BTBD9: variants seen among roughly 807,000 people sequenced by gnomAD.
BTBD9 encodes BTB/POZ domain-containing protein 9.
In BTBD9, 49 loss-of-function variants were observed where a neutral mutation model predicts 64.3. The ratio of observed to expected loss-of-function variants is 0.76; its 90% CI spans 0.61 to 0.97. The LOEUF (loss-of-function observed/expected upper bound fraction) is 0.97, where lower values mean the gene tolerates loss of function less well. Among genes scored for constraint, BTBD9 ranks in the 50% least tolerant of loss-of-function variants. The probability of loss-of-function intolerance (pLI) is 0.00; values close to 1 mark genes in which losing one functional copy is unlikely to be tolerated. For synonymous variants in BTBD9, 260 were observed against 274.7 expected (o/e 0.95, Z 0.53); for missense variants, 598 against 762.1 (o/e 0.78, Z 2.53).
intron 9 of BTBD9, among the ~76,000 whole-genome samples, chr6:38,231,878 C>G (rs921528452): frequency 6.6e-6 from 1 of 152,196 alleles, no homozygotes; most frequent in Admixed American, 6.5e-5. Context: ...AATTAAAATG[C>G]ATTTCAGATG....
chr6:38,557,015 CAAAAAAAAAAAAAAAAAAAAA>C (rs397888418), intron 6 of BTBD9, among the ~76,000 whole-genome samples: 184 of 15,388 alleles, frequency 0.012, no homozygotes, highest in South Asian at 0.024. Flanking sequence ...TCCATCTCAC[CAAAAAAAAAAAAAAAAAAAAA>C]AAAAAAAAAA....
At chr6:38,478,624 G>C (rs1309473323) in intron 6 of BTBD9, among the ~76,000 whole-genome samples, 1 of 152,194 alleles carries the variant, frequency 6.6e-6, no homozygotes, top group East Asian at 1.9e-4. Context: ...AAAACTAAAG[G>C]AGGGAAGATA....
chr6:38,301,521 A>G (rs1762403226), intron 7 of BTBD9, among the ~76,000 whole-genome samples: 1 of 152,176 alleles, frequency 6.6e-6, no homozygotes, highest in Admixed American at 6.5e-5. Flanking sequence ...GCTATTAATT[A>G]TTGCCTCAAT....
chr6:38,635,294 C>G (rs1416328472), intron 1 of BTBD9, among the ~76,000 whole-genome samples: 2 of 152,090 alleles, frequency 1.3e-5, no homozygotes, highest in Admixed American at 1.3e-4. Flanking sequence ...CACCACCCCA[C>G]CCAGCTAATT....
In BTBD9 at chr6:38,580,308, T is replaced by C. The variant is rs1776230900; in HGVS notation, c.944A>G (p.Asp315Gly). 2 of 1,614,142 alleles carry C rather than the reference T, an allele frequency of 1.2e-6. No individual in the cohort carries two copies. Among genetic ancestry groups the C allele is most frequent in the Non-Finnish European group, 8.5e-7 (1 of 1,180,050 alleles). ...CTCGATGCCGGAACGGCAGTCATCA[T>C]CAATTGGGTGCCTTGAAAATCCATG... is the stretch of plus-strand genomic sequence containing the variant. ...LDHGFSRHPI[D>G]DDCRSGIEIK... The change falls in exon 5 of 11, where the codon GAT becomes GGT. Residue 315 changes from aspartate (D) to glycine (G), a missense_variant. Physicochemically the swap from Asp to Gly is moderately conservative, Grantham distance 94. Coordinates refer to ENST00000481247, the MANE Select transcript of BTBD9 (RefSeq NM_001099272.2).
At chr6:38,270,934 G>A (rs1176276090) in intron 8 of BTBD9, among the ~76,000 whole-genome samples, 1 of 152,174 alleles carries the variant, frequency 6.6e-6, no homozygotes, top group Non-Finnish European at 1.5e-5. Flanking sequence ...AATCTGGGAA[G>A]TGGGTGGTAG....
intron 6 of BTBD9, among the ~76,000 whole-genome samples, chr6:38,363,111 C>A (rs1422924096): frequency 6.6e-6 from 1 of 152,150 alleles, no homozygotes; most frequent in Non-Finnish European, 1.5e-5. Flanking sequence ...TTTTTAGAGA[C>A]AGCATCTTGC....
chr6:38,588,507 A>G, intron 4 of BTBD9: 1 of 833,468 alleles, frequency 1.2e-6, no homozygotes, highest in Non-Finnish European at 1.8e-6. Flanking sequence ...GGCTATACCA[A>G]ACCTGGACCT....
chr6:38,337,980 G>C (rs1203662650), intron 7 of BTBD9, among the ~76,000 whole-genome samples: 1 of 152,192 alleles, frequency 6.6e-6, no homozygotes, highest in Non-Finnish European at 1.5e-5. Flanking sequence ...ATGGACTCCG[G>C]TGTTTCTGTT....
chr6:38,555,558 G>A (rs879907532), intron 6 of BTBD9, among the ~76,000 whole-genome samples: 1 of 152,194 alleles, frequency 6.6e-6, no homozygotes, highest in Non-Finnish European at 1.5e-5. Flanking sequence ...CAGTAGTAGT[G>A]ATAAACAGTT....
rs1776920534 is a variant in BTBD9 at position 38,593,860 on chromosome 6, C to G, written c.549+104G>C. 4 of 1,060,094 alleles carry G rather than the reference C, an allele frequency of 3.8e-6. No individual in the cohort carries two copies. The Admixed American group carries it at 9.3e-5, about 25-fold the overall frequency. The allele number at this position is 1,060,094 out of a possible 1,614,324, so 65.7% of individuals were successfully genotyped here. ...GATAACCAATGATAACGCTTTGATACCAATGATTTTTTTTATTATTCTTAG... is the reference window on the plus strand; with the variant it reads ...GATAACCAATGATAACGCTTTGATAGCAATGATTTTTTTTATTATTCTTAG... On this transcript the variant is annotated intron_variant, in intron 3 of 10. Transcript: ENST00000481247.
In BTBD9 at chr6:38,438,226, G is replaced by A. The variant is rs868454992; in HGVS notation, c.1155-93133C>T. On this transcript the variant is annotated intron_variant, in intron 6 of 10. Coordinates refer to ENST00000481247, the MANE Select transcript of BTBD9 (RefSeq NM_001099272.2). Reference sequence around the variant, plus strand: ...AAGGAAGGAGGGAGGGAGGGAGGGAGGGAGGGAGGGAGGGAGGGAGGGAGG... The same window carrying A: ...AAGGAAGGAGGGAGGGAGGGAGGGAAGGAGGGAGGGAGGGAGGGAGGGAGG... Among the ~76,000 whole-genome samples the A allele has an allele frequency of 2.5e-3, 206 of 80,874 alleles. 6 individuals carry two copies. Among genetic ancestry groups the A allele is most frequent in the African/African-American group, 9.4e-3 (196 of 20,864 alleles). 53.1% of individuals were successfully genotyped at this position (80,874 alleles called of 152,430 possible).
intron 10 of BTBD9, among the ~76,000 whole-genome samples, chr6:38,189,384 G>A (rs1417038243): frequency 6.6e-6 from 1 of 152,220 alleles, no homozygotes; most frequent in Admixed American, 6.5e-5. Flanking sequence ...TAAGATAGGT[G>A]TTACAACATT....
chr6:38,482,855 G>C (rs2127382673), intron 6 of BTBD9, among the ~76,000 whole-genome samples: 1 of 152,170 alleles, frequency 6.6e-6, no homozygotes, highest in East Asian at 1.9e-4. Context: ...TCAACATGAA[G>C]GTAAGGCTTC....
At chr6:38,261,895 A>T (rs1764806738) in intron 8 of BTBD9, among the ~76,000 whole-genome samples, 1 of 152,208 alleles carries the variant, frequency 6.6e-6, no homozygotes, top group Admixed American at 6.5e-5. Flanking sequence ...TACATGTTGA[A>T]GTTTTAAAGA....
At chr6:38,320,274 T>C (rs571161369) in intron 7 of BTBD9, among the ~76,000 whole-genome samples, 62 of 152,354 alleles carry the variant, frequency 4.1e-4, no homozygotes, top group Middle Eastern at 6.8e-3. Context: ...GGTGCTTTTT[T>C]GGTAGACACT....
intron 6 of BTBD9, among the ~76,000 whole-genome samples, chr6:38,541,554 T>C (rs533970030): frequency 5.0e-4 from 76 of 152,286 alleles, no homozygotes; most frequent in Non-Finnish European, 9.7e-4. Flanking sequence ...CTGGCTAATA[T>C]GGCGAAGCCC....
intron 7 of BTBD9, among the ~76,000 whole-genome samples, chr6:38,312,107 C>G (rs914412280): frequency 6.6e-6 from 1 of 151,748 alleles, no homozygotes; most frequent in Admixed American, 6.6e-5. Context: ...GTGATCCACC[C>G]GCCTCGGCCT....
At chr6:38,462,390 T>C (rs1770137323) in intron 6 of BTBD9, among the ~76,000 whole-genome samples, 1 of 152,260 alleles carries the variant, frequency 6.6e-6, no homozygotes, top group Admixed American at 6.5e-5. Flanking sequence ...TGAATATCCA[T>C]TTGTTGAAAA....
Sources: allele counts gnomAD v4.1 joint callset (sites outside exome capture counted in the v4.1 genomes callset), GRCh38; gene constraint gnomAD v4.1.1; transcripts MANE v1.5; gene names NCBI Gene and HGNC (gene_info 2026-07-23, HGNC 2026-07-21).